SETX: variants seen among roughly 807,000 people sequenced by gnomAD.
SETX encodes the protein helicase senataxin.
SETX carries 90 observed loss-of-function variants against 227.2 expected under a neutral mutation model. The observed-to-expected ratio is 0.40, with a 90% CI of 0.33 to 0.47. SETX has a LOEUF of 0.47. Ranked by LOEUF, SETX falls within the 20% of genes least tolerant of loss-of-function variation. The pLI is 0.91. For missense variants in SETX, 3,052 were observed against 3,181.5 expected, an observed-to-expected ratio of 0.96 and a Z score of 0.98; for synonymous variants, 1,210 against 1,113.2, an observed-to-expected ratio of 1.09 and a Z score of -1.73.
rs576574097 is a variant in SETX, at chr9:132,261,530, C to G, written c.*2709G>C. Reference sequence around the variant, plus strand: ...TCTGCTTTTAATTCTGCCATTTCCTCTTAAAATTTAGGGTTTAACAAAGAC... The same window carrying G: ...TCTGCTTTTAATTCTGCCATTTCCTGTTAAAATTTAGGGTTTAACAAAGAC... On this transcript the variant is annotated 3_prime_UTR_variant, in exon 26 of 26. Coordinates refer to ENST00000224140, the MANE Select transcript of SETX (RefSeq NM_015046.7). The G allele has an allele frequency of 6.6e-6, 1 of 152,458 alleles. No individual in the cohort carries two copies. The highest frequency in any genetic ancestry group is 2.4e-5 in the African/African-American group (1 of 41,440). 9.4% of individuals were successfully genotyped at this position (152,458 alleles called of 1,614,324 possible).
At chr9:132,322,353 A>T (rs1846416353) in intron 10 of SETX, among the ~76,000 whole-genome samples, 1 of 152,202 alleles carries the variant, frequency 6.6e-6, no homozygotes, top group East Asian at 1.9e-4. Context: ...CCATCACCCC[A>T]AAAGAAACAC....
chr9:132,304,632 C>T (rs1157294432), intron 11 of SETX, among the ~76,000 whole-genome samples: 1 of 104,608 alleles, frequency 9.6e-6, no homozygotes, highest in African/African-American at 3.3e-5. Context: ...GACCCTGTTT[C>T]AAAAAAAAAA....
At chr9:132,345,468 T>G (rs1848232217) in intron 4 of SETX, among the ~76,000 whole-genome samples, 1 of 152,050 alleles carries the variant, frequency 6.6e-6, no homozygotes, top group Non-Finnish European at 1.5e-5. Flanking sequence ...GAGACAGGGT[T>G]TCACTATGTT....
intron 10 of SETX, among the ~76,000 whole-genome samples, chr9:132,323,712 G>A (rs546915078): frequency 6.6e-6 from 1 of 152,226 alleles, no homozygotes; most frequent in Non-Finnish European, 1.5e-5. Context: ...GACCAGCCTA[G>A]GCAACATGGG....
At chr9:132,303,864 G>A (rs145407827) in intron 11 of SETX, among the ~76,000 whole-genome samples, 61 of 152,312 alleles carry the variant, frequency 4.0e-4, no homozygotes, top group African/African-American at 1.4e-3. Flanking sequence ...GCTCACGTCT[G>A]TAATCCCAGC....
chr9:132,290,657 G>A (rs1246497925), intron 15 of SETX, among the ~76,000 whole-genome samples: 1 of 151,414 alleles, frequency 6.6e-6, no homozygotes, highest in Non-Finnish European at 1.5e-5. Context: ...CACTTTGGGA[G>A]GCCAAGGTAG....
rs745942456 is a variant in SETX, at chr9:132,318,367, T to C, written c.5275-6511A>G. On this transcript the variant is annotated intron_variant, in intron 10 of 25. Transcript: ENST00000224140. ...TGTTCGGTTTGTTACTTTTCTCTTA[T>C]AGTGACTACACTCCAGACAGGAAAT... Among the ~76,000 whole-genome samples the C allele has an allele frequency of 6.5e-4, 99 of 152,352 alleles. 1 individual carries two copies. Among genetic ancestry groups the C allele is most frequent in the Non-Finnish European group, 1.1e-3 (73 of 68,030 alleles).
intron 11 of SETX, among the ~76,000 whole-genome samples, chr9:132,303,054 A>G (rs930667257): frequency 6.6e-6 from 1 of 152,076 alleles, no homozygotes; most frequent in Non-Finnish European, 1.5e-5. Flanking sequence ...GTCTTGTTCT[A>G]TCTCCCAGAC....
intron 15 of SETX, among the ~76,000 whole-genome samples, chr9:132,294,478 G>A (rs1290054403): frequency 2.6e-5 from 4 of 152,166 alleles, no homozygotes; most frequent in Non-Finnish European, 5.9e-5. Context: ...AAAGGCAAGT[G>A]GAAAAAAGTA....
chr9:132,314,494 G>C (rs1845852655), intron 10 of SETX, among the ~76,000 whole-genome samples: 1 of 152,206 alleles, frequency 6.6e-6, no homozygotes, highest in Non-Finnish European at 1.5e-5. Flanking sequence ...AAAGTGCTGG[G>C]ATTACAGATG....
chr9:132,328,664 G>T lies in SETX; in HGVS notation c.2934C>A (p.Ser978=). Residue 978 remains serine, a synonymous_variant, in exon 10 of 26, where the codon TCC becomes TCA. Coordinates refer to ENST00000224140, the MANE Select transcript of SETX (RefSeq NM_015046.7). The part of the protein sequence containing the change: ...LAQASVITFP[S]DSPQNSSQLQ... ...GCTGCGATGAGTTCTGAGGTGAATC[G>T]GATGGGAACGTAATAACACTGGCTT... 6.2e-7 allele frequency: 1 copy of T among 1,613,252 alleles called. No homozygotes were observed. Among genetic ancestry groups the T allele is most frequent in the South Asian group, 1.1e-5 (1 of 90,916 alleles).
intron 7 of SETX, 64 bp from the exon 8 acceptor site, chr9:132,331,512 G>T: frequency 6.5e-7 from 1 of 1,539,618 alleles, no homozygotes; most frequent in South Asian, 1.1e-5. Context: ...ACAATATATT[G>T]AGAATTAAGC....
chr9:132,291,829 T>C (rs1035598216), intron 15 of SETX, among the ~76,000 whole-genome samples: 2 of 135,600 alleles, frequency 1.5e-5, no homozygotes, highest in Non-Finnish European at 3.2e-5. Context: ...ACCATTCCAA[T>C]AAAAACATAT....
Position 132,326,397 on chromosome 9 carries a change from G to T in SETX, c.5201C>A (p.Pro1734His), listed in dbSNP as rs777317374. ...ATCTCCATAATTGTGAAATCTGACA[G>T]GCACAGGTCTTGAGATGGACTGACA... ...SLCQSISRPV[P>H]VRFHNYGDYF... is the part of the protein sequence containing the mutation. Residue 1734 changes from proline to histidine, a missense_variant, in exon 10 of 26, where the codon CCT (proline) becomes CAT (histidine). By Grantham distance (77) the Pro-to-His change is moderately conservative. This residue lies in a region of SETX where 239 missense variants were observed against 272.1 expected (regional missense o/e 0.88). Coordinates refer to ENST00000224140, the MANE Select transcript of SETX (RefSeq NM_015046.7). 1 of 1,613,990 alleles carries T rather than the reference G, an allele frequency of 6.2e-7. No individual in the cohort carries two copies. The highest frequency in any genetic ancestry group is 8.5e-7 in the Non-Finnish European group (1 of 1,179,966).
intron 22 of SETX, 110 bp downstream of exon 22, chr9:132,276,950 T>C: frequency 1.1e-6 from 1 of 934,126 alleles, no homozygotes. Context: ...GACTGTGCCC[T>C]GACACTAGGC....
At chr9:132,320,508 G>C (rs1846252387) in intron 10 of SETX, among the ~76,000 whole-genome samples, 1 of 142,370 alleles carries the variant, frequency 7.0e-6, no homozygotes, top group Non-Finnish European at 1.5e-5. Flanking sequence ...GAGGGAAAAT[G>C]GTGTGAACCC....
Position 132,326,357 on chromosome 9 carries a change from A to T in SETX, c.5241T>A (p.Phe1747Leu). The change falls in exon 10 of 26, where the codon TTT becomes TTA. Residue 1747 changes from phenylalanine (F) to leucine (L), a missense_variant. Physicochemically the swap from Phe to Leu is conservative, Grantham distance 22. Coordinates refer to ENST00000224140, the MANE Select transcript of SETX (RefSeq NM_015046.7). Reference sequence around the variant, plus strand: ...AAGTATTCAATACCATCAAAGGGAAAAAAACATTAAAATAATCTCCATAAT... The same window carrying T: ...AAGTATTCAATACCATCAAAGGGAATAAAACATTAAAATAATCTCCATAAT... ...FHNYGDYFNV[F>L]FPLMVLNTFE... 3 of 1,613,456 alleles carry T rather than the reference A, an allele frequency of 1.9e-6. No individual in the cohort carries two copies. The highest frequency in any genetic ancestry group is 2.5e-6 in the Non-Finnish European group (3 of 1,179,560).
At chr9:132,273,831 A>G (rs1843015071) in intron 23 of SETX, among the ~76,000 whole-genome samples, 1 of 152,124 alleles carries the variant, frequency 6.6e-6, no homozygotes, top group Admixed American at 6.5e-5. Flanking sequence ...CTCTAGTACA[A>G]TGTTGAAAAA....
In SETX at chr9:132,283,429, T is replaced by C. The variant is rs777308276; in HGVS notation, c.6397-16A>G. ...GTCCTTGAACCTAAGAGAACAAAGG[T>C]TAAATCAATATTCAGCTGTACATCA... is the stretch of plus-strand genomic sequence containing the variant. On this transcript the variant is annotated splice_polypyrimidine_tract_variant and intron_variant, in intron 18 of 25. Coordinates refer to ENST00000224140, the MANE Select transcript of SETX (RefSeq NM_015046.7). The C allele has an allele frequency of 6.2e-7, 1 of 1,614,064 alleles. No homozygotes were observed. Among genetic ancestry groups the C allele is most frequent in the South Asian group, 1.1e-5 (1 of 91,068 alleles).
Sources: allele counts gnomAD v4.1 joint callset (sites outside exome capture counted in the v4.1 genomes callset), GRCh38; gene constraint gnomAD v4.1.1; regional missense constraint gnomAD v4.1.1; transcripts MANE v1.5; gene names NCBI Gene and HGNC (gene_info 2026-07-23, HGNC 2026-07-21).